The following ELFN1 variants were observed in gnomAD, a reference collection of about 807,000 sequenced individuals.
The protein encoded by ELFN1 is extracellular leucine rich repeat and fibronectin type III domain containing 1.
ELFN1 carries 6 observed loss-of-function variants against 7.6 expected under a neutral mutation model. The ratio of observed to expected loss-of-function variants is 0.79; its 90% CI spans 0.43 to 1.56. The LOEUF (loss-of-function observed/expected upper bound fraction) is 1.56. ELFN1 is among the 40% of genes most tolerant of loss of function. ELFN1 has a pLI of 0.01. For missense variants in ELFN1, 1,169 were observed against 1,232.2 expected, an observed-to-expected ratio of 0.95 and a Z score of 0.77; for synonymous variants, 657 against 588.1, an observed-to-expected ratio of 1.12 and a Z score of -1.70.
intron 3 of ELFN1, among the ~76,000 whole-genome samples, chr7:1,730,542 T>G (rs1780305636): frequency 6.6e-6 from 1 of 152,202 alleles, no homozygotes; most frequent in South Asian, 2.1e-4. Flanking sequence ...ATTAGATAAA[T>G]CTATTAATAA....
chr7:1,709,127 G>T lies in ELFN1; in HGVS notation c.-419G>T, dbSNP rs976861071. 2 of 152,260 alleles carry T rather than the reference G, an allele frequency of 1.3e-5. No homozygotes were observed. Among genetic ancestry groups the T allele is most frequent in the African/African-American group, 4.8e-5 (2 of 41,438 alleles). 9.4% of individuals were successfully genotyped at this position (152,260 alleles called of 1,614,324 possible). A position where few individuals can be genotyped will look rare whatever the true frequency, so the allele number is the denominator to read the frequency against. Reference sequence around the variant, plus strand: ...TTGGCGACCATTTGTCCTACAGTTTGTCCGGACCCAGGCTGTCCTTCTGTG... The same window carrying T: ...TTGGCGACCATTTGTCCTACAGTTTTTCCGGACCCAGGCTGTCCTTCTGTG... On this transcript the variant is annotated 5_prime_UTR_variant, in exon 3 of 4. Coordinates refer to ENST00000424383, the MANE Select transcript of ELFN1 (RefSeq NM_001128636.4).
At chr7:1,681,930 A>G (rs577483367) in intron 1 of ELFN1, among the ~76,000 whole-genome samples, 1 of 152,316 alleles carries the variant, frequency 6.6e-6, no homozygotes, top group East Asian at 1.9e-4. Context: ...TCTTGCCCAT[A>G]TTTAATGGAT....
At chr7:1,666,834 C>T (rs889532930), upstream of ELFN1, among the ~76,000 whole-genome samples, 2 of 151,854 alleles carry the variant, frequency 1.3e-5, no homozygotes, top group African/African-American at 2.4e-5. The surrounding 1 kb of genome is among the most constrained non-coding windows in gnomAD (Gnocchi z 7.9). Context: ...CTTGAACCTC[C>T]GGAGGGGGTG....
chr7:1,720,286 C>G (rs1392009715), intron 3 of ELFN1, among the ~76,000 whole-genome samples: 1 of 152,188 alleles, frequency 6.6e-6, no homozygotes, highest in East Asian at 1.9e-4. Flanking sequence ...AAGATGGGAA[C>G]AGCCGGTGGG....
intron 3 of ELFN1, among the ~76,000 whole-genome samples, chr7:1,721,255 C>T (rs1355847091): frequency 6.6e-6 from 1 of 152,198 alleles, no homozygotes; most frequent in Non-Finnish European, 1.5e-5. Context: ...CCAACCAGGC[C>T]TGATGTTTTC....
At position 1,675,076 on chromosome 7, in the gene ELFN1, C is replaced by T. The variant is rs556282867; in HGVS notation, c.-549+4722C>T. 3.9e-4 allele frequency among the ~76,000 whole-genome samples: 21 copies of T among 53,506 alleles called. No homozygotes were observed. The South Asian group carries it at 6.3e-3, about 16-fold the overall frequency. 35.1% of individuals were successfully genotyped at this position (53,506 alleles called of 152,430 possible). ...AGCTGGGAGAGTGCCCTGGCCTTACCGACGGGGACCCGGCAGCCCACGGCG... is the reference window on the plus strand; with the variant it reads ...AGCTGGGAGAGTGCCCTGGCCTTACTGACGGGGACCCGGCAGCCCACGGCG... On this transcript the variant is annotated intron_variant, in intron 1 of 3. Coordinates refer to ENST00000424383, the MANE Select transcript of ELFN1 (RefSeq NM_001128636.4).
intron 2 of ELFN1, among the ~76,000 whole-genome samples, chr7:1,697,257 C>CA (rs1374235642): frequency 6.6e-6 from 1 of 152,154 alleles, no homozygotes; most frequent in Non-Finnish European, 1.5e-5. Flanking sequence ...CCCATATTCC[C>CA]ATCCATGGAC....
intron 3 of ELFN1, among the ~76,000 whole-genome samples, chr7:1,726,168 C>A (rs1377658791): frequency 6.6e-6 from 1 of 152,184 alleles, no homozygotes; most frequent in Non-Finnish European, 1.5e-5. Flanking sequence ...AGGTCCGCAC[C>A]CGCCACGGTC....
rs1043696015 is a variant in ELFN1, at chr7:1,744,782, C to T, written c.186C>T (p.Ile62=). The change falls in exon 4 of 4, where the codon ATC becomes ATT. Residue 62 remains isoleucine (I), a synonymous_variant. Transcript: ENST00000424383. Reference sequence around the variant, plus strand: ...TCCCACAGCAGATCAACAGCACCATCGTGGACCTGCGGCTCAACGAGAACC... The same window carrying T: ...TCCCACAGCAGATCAACAGCACCATTGTGGACCTGCGGCTCAACGAGAACC... ...EAIPQQINST[I]VDLRLNENRI... The T allele has an allele frequency of 1.3e-5, 20 of 1,555,666 alleles. No homozygotes were observed. Among genetic ancestry groups the T allele is most frequent in the Middle Eastern group, 1.7e-4 (1 of 6,020 alleles).
At position 1,674,377 on chromosome 7, in the gene ELFN1, C is replaced by T. The variant is rs540276307; in HGVS notation, c.-549+4023C>T. Among the ~76,000 whole-genome samples, 9 of 152,292 alleles carry T rather than the reference C, an allele frequency of 5.9e-5. No individual in the cohort carries two copies. The East Asian group carries it at 7.7e-4, about 13-fold the overall frequency. On this transcript the variant is annotated intron_variant, in intron 1 of 3. Coordinates refer to ENST00000424383, the MANE Select transcript of ELFN1 (RefSeq NM_001128636.4). ...TCTCAGGATCTCGGTTACTCAGCCC[C>T]GGTTGCCTCCCTTCTGCCCAGCAGT... is the stretch of plus-strand genomic sequence containing the variant.
intron 3 of ELFN1, among the ~76,000 whole-genome samples, chr7:1,717,358 C>T (rs1779865958): frequency 6.6e-6 from 1 of 152,198 alleles, no homozygotes; most frequent in Admixed American, 6.5e-5. Context: ...TGCAGCATGG[C>T]CCTGAGATGC....
intron 1 of ELFN1, among the ~76,000 whole-genome samples, chr7:1,676,354 A>C (rs536795996): frequency 1.3e-5 from 2 of 152,038 alleles, no homozygotes; most frequent in African/African-American, 4.8e-5. Flanking sequence ...TGTCCTGTGG[A>C]ATGGTGGAAG....
intron 3 of ELFN1, among the ~76,000 whole-genome samples, chr7:1,713,324 T>A (rs1779719929): frequency 6.6e-6 from 1 of 152,200 alleles, no homozygotes; most frequent in African/African-American, 2.4e-5. Flanking sequence ...GCAAGACAGA[T>A]GGGCCCTGGC....
intron 2 of ELFN1, among the ~76,000 whole-genome samples, chr7:1,696,576 T>G (rs988244990): frequency 4.6e-5 from 7 of 151,980 alleles, no homozygotes; most frequent in African/African-American, 1.7e-4. Context: ...TGTTTAAAAC[T>G]TTTTTCTGTG....
At chr7:1,712,578 C>T (rs1254445088) in intron 3 of ELFN1, among the ~76,000 whole-genome samples, 1 of 152,056 alleles carries the variant, frequency 6.6e-6, no homozygotes, top group African/African-American at 2.4e-5. Context: ...ATTACAGGCA[C>T]CTGCTGCCAT....
chr7:1,746,333 G>T lies in ELFN1; in HGVS notation c.1737G>T (p.Glu579Asp). The T allele has an allele frequency of 6.5e-7, 1 of 1,549,112 alleles. No individual in the cohort carries two copies. Among genetic ancestry groups the T allele is most frequent in the Non-Finnish European group, 8.7e-7 (1 of 1,146,410 alleles). ...INNCIDALKSESTSFQGVKSG... is the reference protein window; with the variant it reads ...INNCIDALKSDSTSFQGVKSG... ...ACTGCATCGACGCGCTCAAGTCCGA[G>T]TCCACCTCCTTCCAGGGCGTCAAGT... The change falls in exon 4 of 4, where the codon GAG becomes GAT. Residue 579 changes from glutamate (E) to aspartate (D), a missense_variant. Physicochemically the swap from Glu to Asp is conservative, Grantham distance 45 (BLOSUM62 2). Coordinates refer to ENST00000424383, the MANE Select transcript of ELFN1 (RefSeq NM_001128636.4).
chr7:1,674,578 G>C (rs1778830925), intron 1 of ELFN1, among the ~76,000 whole-genome samples: 1 of 152,136 alleles, frequency 6.6e-6, no homozygotes, highest in South Asian at 2.1e-4. Context: ...GGGAAGGTGT[G>C]AGGCCCCCAG....
At chr7:1,718,111 C>G (rs1349325179) in intron 3 of ELFN1, among the ~76,000 whole-genome samples, 1 of 152,236 alleles carries the variant, frequency 6.6e-6, no homozygotes, top group African/African-American at 2.4e-5. Context: ...CCCGCTCCCA[C>G]CATCACATCT....
chr7:1,732,876 G>A (rs1225260183), intron 3 of ELFN1, among the ~76,000 whole-genome samples: 2 of 152,158 alleles, frequency 1.3e-5, no homozygotes, highest in East Asian at 1.9e-4. Context: ...GCTGTGTGAT[G>A]AGGTCAAGAG....
Sources: allele counts gnomAD v4.1 joint callset (sites outside exome capture counted in the v4.1 genomes callset), GRCh38; gene constraint gnomAD v4.1.1; non-coding constraint Gnocchi (gnomAD v3.1); transcripts MANE v1.5; gene names NCBI Gene and HGNC (gene_info 2026-07-23, HGNC 2026-07-21).